PPP2R5E: variants seen among roughly 807,000 people sequenced by gnomAD.
The protein encoded by PPP2R5E is protein phosphatase 2 regulatory subunit B'epsilon, also known as serine/threonine-protein phosphatase 2A 56 kDa regulatory subunit epsilon isoform.
In PPP2R5E, 4 loss-of-function variants were observed where a neutral mutation model predicts 65.3. The observed-to-expected ratio is 0.06, with a 90% CI of 0.03 to 0.14. The LOEUF (loss-of-function observed/expected upper bound fraction) is 0.14. Ranked by LOEUF, PPP2R5E falls within the 10% of genes least tolerant of loss-of-function variation. The pLI is 1.00. For missense variants in PPP2R5E, 274 were observed against 556.1 expected, an observed-to-expected ratio of 0.49 and a Z score of 5.10; for synonymous variants, 183 against 187.4, an observed-to-expected ratio of 0.98 and a Z score of 0.19.
intron 2 of PPP2R5E, 114 bp from the exon 3 acceptor site, chr14:63,453,999 A>G: frequency 1.2e-6 from 1 of 817,838 alleles, no homozygotes; most frequent in African/African-American, 1.7e-5. Flanking sequence ...TCACATGACA[A>G]CAGTGTTCTT....
chr14:63,498,678 C>A (rs759112627), intron 2 of PPP2R5E, among the ~76,000 whole-genome samples: 2 of 152,026 alleles, frequency 1.3e-5, no homozygotes, highest in Non-Finnish European at 2.9e-5. Context: ...CCCACCTTGG[C>A]TTAACAAAGT....
chr14:63,421,934 G>T, intron 4 of PPP2R5E, 59 bp downstream of exon 4: 2 of 1,318,826 alleles, frequency 1.5e-6, no homozygotes, highest in Non-Finnish European at 2.2e-6. Context: ...GAATTCCCAT[G>T]CTAATCAGCT....
chr14:63,461,417 A>G (rs114816722), intron 2 of PPP2R5E, among the ~76,000 whole-genome samples: 2,047 of 152,236 alleles, frequency 0.013, 43 homozygotes, highest in African/African-American at 0.047. Flanking sequence ...TATTTTCACT[A>G]TAATTTCATA....
At chr14:63,399,162 T>C (rs113292599) in intron 5 of PPP2R5E, among the ~76,000 whole-genome samples, 2 of 152,224 alleles carry the variant, frequency 1.3e-5, no homozygotes, top group African/African-American at 2.4e-5. Context: ...TGGAATATTA[T>C]TCAGCCATAA....
intron 2 of PPP2R5E, chr14:63,508,173 G>C (rs1892300824): frequency 1.0e-6 from 1 of 985,346 alleles, no homozygotes; most frequent in Non-Finnish European, 1.2e-6. Flanking sequence ...TCATTACCAA[G>C]TGTGTGCTCT....
In PPP2R5E at chr14:63,382,021, T is replaced by A. The variant is rs757767127; in HGVS notation, c.1304+35A>T. The stretch of plus-strand genomic sequence containing the variant: ...GAGCAAGGAAAAAACTCAATAGCTT[T>A]ATGCACAGCTGACAAAAAAGCTTTA... On this transcript the variant is annotated intron_variant, in intron 13 of 13. Coordinates refer to ENST00000337537, the MANE Select transcript of PPP2R5E (RefSeq NM_006246.5). 6 of 1,542,954 alleles carry A rather than the reference T, an allele frequency of 3.9e-6. No individual in the cohort carries two copies. The East Asian group carries it at 1.4e-4, about 35-fold the overall frequency.
At chr14:63,523,741 G>A (rs1194998404) in intron 2 of PPP2R5E, among the ~76,000 whole-genome samples, 8 of 136,904 alleles carry the variant, frequency 5.8e-5, no homozygotes, top group Non-Finnish European at 1.2e-4. Flanking sequence ...AAGGTTACAC[G>A]CTAAAAAAAA....
intron 3 of PPP2R5E, among the ~76,000 whole-genome samples, chr14:63,441,950 C>T (rs1888261943): frequency 6.6e-6 from 1 of 151,260 alleles, no homozygotes. Context: ...CAAAATTTTG[C>T]AGTTAACCTA....
chr14:63,472,887 C>T (rs1890200988), intron 2 of PPP2R5E, among the ~76,000 whole-genome samples: 2 of 152,138 alleles, frequency 1.3e-5, no homozygotes. Flanking sequence ...AAATGTGGGA[C>T]AGGAGCAAAC....
intron 5 of PPP2R5E, among the ~76,000 whole-genome samples, chr14:63,414,502 G>C (rs895589618): frequency 4.6e-5 from 7 of 152,176 alleles, no homozygotes; most frequent in African/African-American, 1.7e-4. Context: ...GAGCAAGGAA[G>C]TGTTACCTAA....
intron 2 of PPP2R5E, among the ~76,000 whole-genome samples, chr14:63,482,141 A>C (rs1032727369): frequency 2.0e-5 from 3 of 152,240 alleles, no homozygotes; most frequent in Non-Finnish European, 4.4e-5. Context: ...AAATTCTTTC[A>C]AGCCTATATG....
In PPP2R5E at chr14:63,464,551, A is replaced by C. The variant is rs1209644961; in HGVS notation, c.158-10666T>G. Among the ~76,000 whole-genome samples, 6 of 152,142 alleles carry C rather than the reference A, an allele frequency of 3.9e-5. No homozygotes were observed. In the East Asian group the frequency reaches 1.2e-3, roughly 29 times the overall value. ...AGCTGGAGTGGAAAGTGGGGAAGAA[A>C]AGGACAGAAGAAGAAAGGACAAGTG... On this transcript the variant is annotated intron_variant, in intron 2 of 13. Coordinates refer to ENST00000337537, the MANE Select transcript of PPP2R5E (RefSeq NM_006246.5).
chr14:63,465,754 GT>G (rs1449664516), intron 2 of PPP2R5E, among the ~76,000 whole-genome samples: 1 of 152,090 alleles, frequency 6.6e-6, no homozygotes, highest in Non-Finnish European at 1.5e-5. Flanking sequence ...TTCTGCACTT[GT>G]CTTTTAAGAC....
At chr14:63,488,893 T>A (rs1891144251) in intron 2 of PPP2R5E, among the ~76,000 whole-genome samples, 2 of 151,126 alleles carry the variant, frequency 1.3e-5, no homozygotes, top group Non-Finnish European at 1.5e-5. Flanking sequence ...AAATATAAAT[T>A]TAAAAATTCC....
At chr14:63,517,325 A>G (rs534806999) in intron 2 of PPP2R5E, among the ~76,000 whole-genome samples, 37 of 152,332 alleles carry the variant, frequency 2.4e-4, no homozygotes, top group Admixed American at 3.9e-4. Context: ...AAGAAACATA[A>G]TTTCACCAAG....
At chr14:63,440,088 C>T (rs1888144634) in intron 3 of PPP2R5E, among the ~76,000 whole-genome samples, 1 of 152,144 alleles carries the variant, frequency 6.6e-6, no homozygotes, top group Non-Finnish European at 1.5e-5. Flanking sequence ...ACATAAGGAG[C>T]ACCAACGGGC....
intron 5 of PPP2R5E, among the ~76,000 whole-genome samples, chr14:63,406,149 C>CGTGA (rs1886071330): frequency 1.3e-5 from 2 of 152,246 alleles, no homozygotes; most frequent in East Asian, 3.9e-4. Flanking sequence ...CAGTGACTCA[C>CGTGA]GCCTGTAATC....
intron 2 of PPP2R5E, among the ~76,000 whole-genome samples, chr14:63,478,761 C>T (rs1177680221): frequency 6.6e-6 from 1 of 152,152 alleles, no homozygotes; most frequent in Non-Finnish European, 1.5e-5. Context: ...AACCTGGCTC[C>T]AATGCTGACT....
intron 2 of PPP2R5E, among the ~76,000 whole-genome samples, chr14:63,532,134 T>A (rs1351161258): frequency 1.3e-5 from 2 of 152,196 alleles, no homozygotes; most frequent in African/African-American, 4.8e-5. Context: ...GTTCACATAA[T>A]TTTAGGCTGC....
Sources: allele counts gnomAD v4.1 joint callset (sites outside exome capture counted in the v4.1 genomes callset), GRCh38; gene constraint gnomAD v4.1.1; transcripts MANE v1.5; gene names NCBI Gene and HGNC (gene_info 2026-07-23, HGNC 2026-07-21).